Variants in C3orf18 observed in about 807,000 individuals in gnomAD.
The protein encoded by C3orf18 is uncharacterized protein C3orf18.
A neutral mutation model predicts 14.1 loss-of-function variants in C3orf18; 12 were observed. That is an observed-to-expected ratio of 0.85 (90% confidence interval 0.55 to 1.38). The LOEUF is 1.38. C3orf18 is among the 40% of genes most tolerant of loss of function. C3orf18 has a pLI of 0.00. For missense variants in C3orf18, 196 were observed against 213.9 expected (o/e 0.92, Z 0.52); for synonymous variants, 82 against 87.9 (o/e 0.93, Z 0.38).
In C3orf18 at chr3:50,565,723, TGA is replaced by T. The variant is rs780793206; in HGVS notation, c.-26_-25del. The T allele has an allele frequency of 1.7e-5, 27 of 1,570,562 alleles. No homozygotes were observed. In the Middle Eastern group the frequency reaches 9.3e-4, roughly 54 times the overall value. On this transcript the variant is annotated 5_prime_UTR_variant, in exon 3 of 6. Transcript: ENST00000357203. This position sits in a 1 kb window ranked among gnomAD's most constrained non-coding sequence, Gnocchi z 4.4. ...ATGCTGATGCGGAGAGGGCCCTGGC[TGA>T]GAGGCTGCCTGATGCCAGTCAACCT...
At chr3:50,570,313 C>T (rs1238616802), upstream of C3orf18, 1 of 152,208 alleles carries the variant, frequency 6.6e-6, no homozygotes, top group Non-Finnish European at 1.5e-5. Context: ...TTGCTTGTGA[C>T]CTCTTTAAAT....
chr3:50,567,244 G>T (rs1343776058), intron 1 of C3orf18, among the ~76,000 whole-genome samples: 1 of 152,172 alleles, frequency 6.6e-6, no homozygotes, highest in Non-Finnish European at 1.5e-5. Flanking sequence ...CCTCCCAAAG[G>T]AGAGAAGAGG....
upstream of C3orf18, chr3:50,571,381 T>A (rs1182316769): frequency 7.2e-7 from 1 of 1,393,566 alleles, no homozygotes; most frequent in African/African-American, 1.4e-5. Flanking sequence ...GAGGGAGGAC[T>A]TGGGGAAGGG....
rs374008666 is a variant in C3orf18 at position 50,561,022 on chromosome 3, G to T, written c.303C>A (p.Phe101Leu). 1 of 1,614,156 alleles carries T rather than the reference G, an allele frequency of 6.2e-7. No individual in the cohort carries two copies. Among genetic ancestry groups the T allele is most frequent in the Non-Finnish European group, 8.5e-7 (1 of 1,179,992 alleles). The part of the protein sequence containing the change: ...LRHQLMPMYN[F>L]DPTEEQDELE... The stretch of plus-strand genomic sequence containing the variant: ...ACTCATCTTGTTCCTCCGTGGGGTC[G>T]AAGTTGTACATGGGCATGAGCTGGT... The change falls in exon 5 of 6, where the codon TTC (phenylalanine) becomes TTA (leucine). Residue 101 changes from phenylalanine to leucine, a missense_variant. Phe to Leu is a conservative substitution (Grantham distance 22). Transcript: ENST00000357203.
Position 50,565,492 on chromosome 3 carries a change from T to C in C3orf18, c.208A>G (p.Thr70Ala), listed in dbSNP as rs1282227254. 2.5e-5 allele frequency: 41 copies of C among 1,613,910 alleles called. No homozygotes were observed. The highest frequency in any genetic ancestry group is 3.4e-5 in the Non-Finnish European group (40 of 1,179,978). Reference protein sequence around the residue: ...GTMLLSFGIITVIGLAVALVL... With the variant: ...GTMLLSFGIIAVIGLAVALVL... Reference sequence around the variant, plus strand: ...AAGGCCACAGCCAGGCCTATCACCGTGATGATCCCAAAGGACAGAAGCATG... The same window carrying C: ...AAGGCCACAGCCAGGCCTATCACCGCGATGATCCCAAAGGACAGAAGCATG... The change falls in exon 3 of 6, where the codon ACG becomes GCG. Residue 70 changes from threonine to alanine, a missense_variant. Physicochemically the swap from Thr to Ala is moderately conservative, Grantham distance 58 (BLOSUM62 0). Transcript: ENST00000357203. This position sits in a 1 kb window ranked among gnomAD's most constrained non-coding sequence, Gnocchi z 4.4.
rs189537837 is a variant in C3orf18 at position 50,559,830 on chromosome 3, T to A, written c.409-93A>T. ...TCCACCCTCACTTCCTGGTGCCTGCTTATGCTTGGCACTAGCAATGGCTTC... is the reference window on the plus strand; with the variant it reads ...TCCACCCTCACTTCCTGGTGCCTGCATATGCTTGGCACTAGCAATGGCTTC... On this transcript the variant is annotated intron_variant, in intron 5 of 5. Coordinates refer to ENST00000357203, the MANE Select transcript of C3orf18 (RefSeq NM_016210.5). The A allele has an allele frequency of 2.2e-5, 16 of 725,394 alleles. No individual in the cohort carries two copies. In the East Asian group the frequency reaches 5.2e-4, roughly 24 times the overall value. The allele number at this position is 725,394 out of a possible 1,614,324, so 44.9% of individuals were successfully genotyped here.
At chr3:50,564,318 T>C (rs115120780) in intron 3 of C3orf18, among the ~76,000 whole-genome samples, 3 of 152,314 alleles carry the variant, frequency 2.0e-5, no homozygotes, top group African/African-American at 7.2e-5. Flanking sequence ...TGAGTGTCCA[T>C]GTATCATCTT....
intron 3 of C3orf18, 43 bp from the exon 4 acceptor site, chr3:50,561,790 C>G (rs764083053): frequency 6.2e-7 from 1 of 1,610,128 alleles, no homozygotes; most frequent in Non-Finnish European, 8.5e-7. Context: ...GAGAGGAGGC[C>G]CTGAGGAACC....
rs747684112 is a variant in C3orf18, at chr3:50,565,445, C to A, written c.234+21G>T. Reference sequence around the variant, plus strand: ...AAATCTAAACACTGATTATCCTCCCCCAGCCTACCCCAGCTCTCACCAAGG... The same window carrying A: ...AAATCTAAACACTGATTATCCTCCCACAGCCTACCCCAGCTCTCACCAAGG... On this transcript the variant is annotated intron_variant, in intron 3 of 5. Coordinates refer to ENST00000357203, the MANE Select transcript of C3orf18 (RefSeq NM_016210.5). This position sits in a 1 kb window ranked among gnomAD's most constrained non-coding sequence, Gnocchi z 4.4. The A allele has an allele frequency of 3.8e-6, 6 of 1,561,270 alleles. No homozygotes were observed. The highest frequency in any genetic ancestry group is 3.3e-4 in the Middle Eastern group (2 of 5,998).
upstream of C3orf18, chr3:50,571,591 C>T (rs1700965754): frequency 4.2e-6 from 4 of 958,494 alleles, no homozygotes; most frequent in Admixed American, 5.3e-5. Flanking sequence ...CCTCTGGGCC[C>T]AGATGATGAG....
At position 50,560,901 on chromosome 3, in the gene C3orf18, C is replaced by G. The variant is rs1469316721; in HGVS notation, c.408+16G>C. ...AGGATGCTGCAGGCGGGGTGGGGAG[C>G]CTGGTCAGTGCCCACCTTGCCCTGC... On this transcript the variant is annotated intron_variant, in intron 5 of 5. Transcript: ENST00000357203. The G allele has an allele frequency of 3.8e-6, 6 of 1,588,890 alleles. No homozygotes were observed. The highest frequency in any genetic ancestry group is 1.3e-5 in the African/African-American group (1 of 74,606).
At chr3:50,569,400 A>C (rs894976204), upstream of C3orf18, 1 of 152,236 alleles carries the variant, frequency 6.6e-6, no homozygotes, top group African/African-American at 2.4e-5. Context: ...GGAGGAACCC[A>C]CCAGCGATAG....
At chr3:50,572,546 T>C (rs575005763), upstream of C3orf18, among the ~76,000 whole-genome samples, 1 of 152,330 alleles carries the variant, frequency 6.6e-6, no homozygotes, top group East Asian at 1.9e-4. Flanking sequence ...AACAAATGTC[T>C]TCCAGCAGCT....
chr3:50,573,014 C>T (rs1000381217), upstream of C3orf18, among the ~76,000 whole-genome samples: 3 of 152,186 alleles, frequency 2.0e-5, no homozygotes, highest in African/African-American at 7.2e-5. Context: ...AAGGTTAGTT[C>T]CCATTCCCCT....
chr3:50,573,344 G>A (rs970646563), upstream of C3orf18, among the ~76,000 whole-genome samples: 4 of 152,246 alleles, frequency 2.6e-5, no homozygotes, highest in Non-Finnish European at 4.4e-5. Flanking sequence ...GGTGTGGCCT[G>A]CCACCTGCAG....
Position 50,565,794 on chromosome 3 carries a change from T to G in C3orf18, c.-95A>C. The G allele has an allele frequency of 1.0e-6, 1 of 974,188 alleles. No homozygotes were observed. Among genetic ancestry groups the G allele is most frequent in the Non-Finnish European group, 1.5e-6 (1 of 659,930 alleles). 60.3% of individuals were successfully genotyped at this position (974,188 alleles called of 1,614,324 possible). A position where few individuals can be genotyped will look rare whatever the true frequency, so the allele number is the denominator to read the frequency against. Reference sequence around the variant, plus strand: ...CCGGAGTGCCCCAGCCTGTGGTTCCTGCCACCTGTGGTGGCCACCTGCACA... The same window carrying G: ...CCGGAGTGCCCCAGCCTGTGGTTCCGGCCACCTGTGGTGGCCACCTGCACA... On this transcript the variant is annotated 5_prime_UTR_variant, in exon 3 of 6. Coordinates refer to ENST00000357203, the MANE Select transcript of C3orf18 (RefSeq NM_016210.5). This position sits in a 1 kb window ranked among gnomAD's most constrained non-coding sequence, Gnocchi z 4.4.
At position 50,558,905 on chromosome 3, in the gene C3orf18, C is replaced by T; in HGVS notation, c.*752G>A. ...TGTGCTGGGACAGGCACATGTCTGC[C>T]CATGGGCACACTCATGCACATGCAT... is the stretch of plus-strand genomic sequence containing the variant. On this transcript the variant is annotated 3_prime_UTR_variant, in exon 6 of 6. Coordinates refer to ENST00000357203, the MANE Select transcript of C3orf18 (RefSeq NM_016210.5). The T allele has an allele frequency of 7.8e-7, 1 of 1,289,344 alleles. No individual in the cohort carries two copies. The highest frequency in any genetic ancestry group is 1.0e-6 in the Non-Finnish European group (1 of 988,544). The allele number at this position is 1,289,344 out of a possible 1,614,324, so 79.9% of individuals were successfully genotyped here.
chr3:50,572,050 AC>A (rs1701038139), upstream of C3orf18: 1 of 1,605,480 alleles, frequency 6.2e-7, no homozygotes, highest in Non-Finnish European at 8.5e-7. Context: ...TGGTATCTCA[AC>A]CCAGGCATGG....
chr3:50,565,719 T>G lies in C3orf18; in HGVS notation c.-20A>C. ...GTTCATGCTGATGCGGAGAGGGCCC[T>G]GGCTGAGAGGCTGCCTGATGCCAGT... On this transcript the variant is annotated 5_prime_UTR_variant, in exon 3 of 6. Coordinates refer to ENST00000357203, the MANE Select transcript of C3orf18 (RefSeq NM_016210.5). The surrounding 1 kb of genome is among the most constrained non-coding windows in gnomAD (Gnocchi z 4.4). 6.3e-7 allele frequency: 1 copy of G among 1,577,920 alleles called. No homozygotes were observed. Among genetic ancestry groups the G allele is most frequent in the Non-Finnish European group, 8.6e-7 (1 of 1,157,340 alleles).
Sources: allele counts gnomAD v4.1 joint callset (sites outside exome capture counted in the v4.1 genomes callset), GRCh38; gene constraint gnomAD v4.1.1; non-coding constraint Gnocchi (gnomAD v3.1); transcripts MANE v1.5; gene names NCBI Gene and HGNC (gene_info 2026-07-23, HGNC 2026-07-21).